Variants in ZC3H12B observed in about 807,000 individuals in gnomAD.
The protein encoded by ZC3H12B is probable ribonuclease ZC3H12B.
Under a neutral mutation model 43.9 loss-of-function variants are expected in ZC3H12B, and 7 were observed. The ratio of observed to expected loss-of-function variants is 0.16; its 90% CI spans 0.09 to 0.30. The LOEUF is 0.30. ZC3H12B is among the 10% of genes least tolerant of loss of function. The pLI is 1.00. For synonymous variants in ZC3H12B, 222 were observed against 241.7 expected, an observed-to-expected ratio of 0.92 and a Z score of 0.76; for missense variants, 475 against 670.2, an observed-to-expected ratio of 0.71 and a Z score of 3.22.
the ZC3H12B span, among the ~76,000 whole-genome samples, chrX:65,071,653 C>T: frequency 0.012 from 1,329 of 111,597 alleles, 55 homozygotes; most frequent in East Asian, 0.2. Flanking sequence ...CTGGTGGTAA[C>T]GAATTCCCTA....
intron 2 of ZC3H12B, among the ~76,000 whole-genome samples, chrX:65,369,381 T>A (rs1441166662): frequency 2.7e-5 from 3 of 111,970 alleles, no homozygotes; most frequent in Admixed American, 9.5e-5. Flanking sequence ...TAAAAAACTA[T>A]CTTAAGCAGG....
chrX:65,078,667 G>A, the ZC3H12B span, among the ~76,000 whole-genome samples: 1 of 111,554 alleles, frequency 9.0e-6, no homozygotes, highest in Non-Finnish European at 1.9e-5. Flanking sequence ...TGTGACAAGA[G>A]AGTGACAATA....
At chrX:65,227,287 G>T in the ZC3H12B span, among the ~76,000 whole-genome samples, 25 of 111,455 alleles carry the variant, frequency 2.2e-4, no homozygotes, top group African/African-American at 8.2e-4. Flanking sequence ...TGACTACTGG[G>T]TACATAACGA....
At chrX:65,240,385 T>C in the ZC3H12B span, among the ~76,000 whole-genome samples, 21 of 112,254 alleles carry the variant, frequency 1.9e-4, no homozygotes, top group African/African-American at 5.8e-4. Flanking sequence ...TGTGATAGCA[T>C]TGTCAATTTC....
At chrX:65,497,731 T>C (rs1309901574) in intron 2 of ZC3H12B, among the ~76,000 whole-genome samples, 2 of 112,071 alleles carry the variant, frequency 1.8e-5, no homozygotes, top group African/African-American at 3.2e-5. Context: ...ACAGTAGGTC[T>C]GGCACCTAGG....
intron 2 of ZC3H12B, among the ~76,000 whole-genome samples, chrX:65,385,518 G>A (rs1403018554): frequency 8.9e-6 from 1 of 112,377 alleles, no homozygotes; most frequent in Non-Finnish European, 1.9e-5. Context: ...AGAGTTTGCT[G>A]AAGTTGCATA....
At chrX:65,381,177 A>T (rs12891742) in intron 2 of ZC3H12B, among the ~76,000 whole-genome samples, 3 of 111,070 alleles carry the variant, frequency 2.7e-5, no homozygotes, top group Admixed American at 9.6e-5. Context: ...ACCACACCTA[A>T]TCCAAAATTG....
the ZC3H12B span, among the ~76,000 whole-genome samples, chrX:65,302,030 CT>C: frequency 9.0e-6 from 1 of 110,576 alleles, no homozygotes; most frequent in Non-Finnish European, 1.9e-5. Flanking sequence ...CCTCAACTTG[CT>C]TTCTGAAAAA....
chrX:65,317,255 TA>T, the ZC3H12B span, among the ~76,000 whole-genome samples: 24,393 of 98,236 alleles, frequency 0.25, 7,236 homozygotes, highest in African/African-American at 0.82. Context: ...CTCAACCAAT[TA>T]AAAAAAAAAA....
chrX:65,085,100 A>T, the ZC3H12B span, among the ~76,000 whole-genome samples: 3 of 111,843 alleles, frequency 2.7e-5, no homozygotes, highest in Non-Finnish European at 5.6e-5. Flanking sequence ...GGTTACCAGA[A>T]GCTGAGAGGG....
At chrX:65,291,563 T>G in the ZC3H12B span, among the ~76,000 whole-genome samples, 4 of 112,301 alleles carry the variant, frequency 3.6e-5, no homozygotes, top group Admixed American at 1.9e-4. Context: ...AATTACTATA[T>G]GCTTCTACTT....
chrX:65,234,894 A>C, the ZC3H12B span, among the ~76,000 whole-genome samples: 1 of 110,662 alleles, frequency 9.0e-6, no homozygotes, highest in Admixed American at 9.6e-5. Context: ...TTTCCTCCCT[A>C]TGTGTTCTGA....
chrX:65,135,077 G>A, the ZC3H12B span, among the ~76,000 whole-genome samples: 1 of 111,201 alleles, frequency 9.0e-6, no homozygotes, highest in Non-Finnish European at 1.9e-5. Flanking sequence ...GGCTTAGCTT[G>A]GGCTCAGAGG....
At chrX:65,053,660 C>G in the ZC3H12B span, among the ~76,000 whole-genome samples, 1 of 111,300 alleles carries the variant, frequency 9.0e-6, no homozygotes. Flanking sequence ...ATTTCTAGTT[C>G]TAGATCCCTG....
the ZC3H12B span, among the ~76,000 whole-genome samples, chrX:65,173,853 A>T: frequency 9.0e-6 from 1 of 111,333 alleles, no homozygotes; most frequent in African/African-American, 3.3e-5. Flanking sequence ...CATCAGGGAT[A>T]TTGGCCTGAA....
At chrX:65,330,221 A>G in the ZC3H12B span, among the ~76,000 whole-genome samples, 1 of 111,513 alleles carries the variant, frequency 9.0e-6, no homozygotes, top group African/African-American at 3.3e-5. Context: ...TTATTGGTGT[A>G]TAAGAATGCT....
chrX:65,152,870 G>T, the ZC3H12B span, among the ~76,000 whole-genome samples: 27 of 111,752 alleles, frequency 2.4e-4, no homozygotes, highest in South Asian at 0.01. Flanking sequence ...GCATGGTACT[G>T]GTACCAAAAC....
At chrX:65,501,519 T>G (rs2068367084) in intron 4 of ZC3H12B, among the ~76,000 whole-genome samples, 2 of 111,429 alleles carry the variant, frequency 1.8e-5, no homozygotes, top group Middle Eastern at 4.6e-3. Flanking sequence ...CCTCCCAAAC[T>G]GCTGGGACTA....
At chrX:65,381,147 T>C (rs1246606911) in intron 2 of ZC3H12B, among the ~76,000 whole-genome samples, 2 of 111,048 alleles carry the variant, frequency 1.8e-5, no homozygotes, top group African/African-American at 6.6e-5. Flanking sequence ...CAACAGAATA[T>C]ACATTTTTTT....
Sources: allele counts gnomAD v4.1 joint callset (sites outside exome capture counted in the v4.1 genomes callset), GRCh38; gene constraint gnomAD v4.1.1; transcripts MANE v1.5; gene names NCBI Gene and HGNC (gene_info 2026-07-23, HGNC 2026-07-21).